ITGA7: variants seen among roughly 807,000 people sequenced by gnomAD.
The protein encoded by ITGA7 is integrin alpha-7.
A neutral mutation model predicts 131.6 loss-of-function variants in ITGA7; 84 were observed. That is an observed-to-expected ratio of 0.64 (90% confidence interval 0.54 to 0.77). The LOEUF (loss-of-function observed/expected upper bound fraction) is 0.77, where lower values mean the gene tolerates loss of function less well. Among genes scored for constraint, ITGA7 ranks in the 30% least tolerant of loss-of-function variants. ITGA7 has a pLI of 0.00. For missense variants in ITGA7, 1,399 were observed against 1,482.9 expected (o/e 0.94, Z 0.93); for synonymous variants, 548 against 600.7 (o/e 0.91, Z 1.28).
rs924146291 is a variant in ITGA7, at chr12:55,685,127, G to T, written c.3345C>A (p.His1115Gln). 5 of 1,612,816 alleles carry T rather than the reference G, an allele frequency of 3.1e-6. No homozygotes were observed. Among genetic ancestry groups the T allele is most frequent in the Non-Finnish European group, 4.2e-6 (5 of 1,179,978 alleles). Residue 1115 changes from histidine (H) to glutamine (Q), a missense_variant, in exon 25 of 25, where the codon CAC becomes CAA. Transcript: ENST00000257879. ...GSPRREGPDAHPILAADGHPE... is the reference protein window; with the variant it reads ...GSPRREGPDAQPILAADGHPE... Reference sequence around the variant, plus strand: ...GATGCCCGTCAGCAGCCAGGATGGGGTGTGCATCCGGGCCCTCCCGCCGGG... The same window carrying T: ...GATGCCCGTCAGCAGCCAGGATGGGTTGTGCATCCGGGCCCTCCCGCCGGG...
At chr12:55,705,451 T>C (rs1156631228) in intron 1 of ITGA7, among the ~76,000 whole-genome samples, 1 of 145,150 alleles carries the variant, frequency 6.9e-6, no homozygotes, top group East Asian at 2.0e-4. Flanking sequence ...GACAAAGGAG[T>C]AGCCCACGAC....
upstream of ITGA7, among the ~76,000 whole-genome samples, chr12:55,714,602 C>T (rs982775350): frequency 6.6e-6 from 1 of 151,098 alleles, no homozygotes; most frequent in African/African-American, 2.4e-5. Context: ...AGGAGAATCG[C>T]TTGAACCTGG....
upstream of ITGA7, among the ~76,000 whole-genome samples, chr12:55,715,263 T>C (rs1876430340): frequency 6.6e-6 from 1 of 152,220 alleles, no homozygotes; most frequent in Non-Finnish European, 1.5e-5. Context: ...TCCCTTCTCC[T>C]AGTTTTACTA....
chr12:55,701,321 A>G, intron 3 of ITGA7, 167 bp from the exon 4 acceptor site: 1 of 1,565,460 alleles, frequency 6.4e-7, no homozygotes, highest in Non-Finnish European at 8.7e-7. Context: ...CTCAAGCACC[A>G]TTACCCTGCC....
Position 55,694,245 on chromosome 12 carries a change from G to A in ITGA7, c.2432+11C>T, listed in dbSNP as rs555855033. 5.6e-6 allele frequency: 9 copies of A among 1,614,042 alleles called. No individual in the cohort carries two copies. In the South Asian group the frequency reaches 7.7e-5, roughly 14 times the overall value. On this transcript the variant is annotated intron_variant, in intron 18 of 24. Transcript: ENST00000257879. This position sits in a 1 kb window ranked among gnomAD's most constrained non-coding sequence, Gnocchi z 5.3. ...CCCTCCAATGGAGGTGCCCCCTTGG[G>A]CCAGGCTCACCCTGCAATGGACAGT...
intron 3 of ITGA7, 189 bp downstream of exon 3, chr12:55,702,683 G>C (rs1874316851): frequency 1.6e-6 from 1 of 642,230 alleles, no homozygotes; most frequent in African/African-American, 1.8e-5. Flanking sequence ...TGAATGAATG[G>C]ACAGACATTT....
rs745534478 is a variant in ITGA7 at position 55,702,882 on chromosome 12, C to A, written c.404G>T (p.Gly135Val). The A allele has an allele frequency of 3.5e-5, 57 of 1,612,192 alleles. No homozygotes were observed. The highest frequency in any genetic ancestry group is 4.8e-5 in the Non-Finnish European group (57 of 1,179,580). ...GVSVRSQGPG[G>V]KIVTCAHRYE... ...AGAAGCAATACTCACAACAATCTTG[C>A]CCCCAGGCCCCTGGCTCCGAACACT... The change falls in exon 3 of 25, where the codon GGC becomes GTC. Residue 135 changes from glycine (G) to valine (V), a missense_variant. Coordinates refer to ENST00000257879, the MANE Select transcript of ITGA7 (RefSeq NM_002206.3).
At chr12:55,690,143 C>T (rs897955307) in intron 21 of ITGA7, among the ~76,000 whole-genome samples, 3 of 152,110 alleles carry the variant, frequency 2.0e-5, no homozygotes, top group African/African-American at 7.2e-5. Context: ...AACTAAAGAG[C>T]TTCTGCACAG....
Position 55,701,133 on chromosome 12 carries a change from C to T in ITGA7, c.436G>A (p.Ala146Thr), listed in dbSNP as rs1197791079. The T allele has an allele frequency of 1.2e-6, 2 of 1,614,116 alleles. No individual in the cohort carries two copies. ...AGGATCTGGTCCACTCGCTGCCTTGCCTCATATCGGTGTGCACAGGTCTGG... is the reference window on the plus strand; with the variant it reads ...AGGATCTGGTCCACTCGCTGCCTTGTCTCATATCGGTGTGCACAGGTCTGG... ...KIVTCAHRYE[A>T]RQRVDQILET... Residue 146 changes from alanine to threonine, a missense_variant, in exon 4 of 25, where the codon GCA becomes ACA. Transcript: ENST00000257879.
chr12:55,691,802 C>T (rs1055140829), intron 21 of ITGA7, among the ~76,000 whole-genome samples: 4 of 152,162 alleles, frequency 2.6e-5, no homozygotes, highest in Admixed American at 1.3e-4. Context: ...CCCAGGGGAG[C>T]TGAGGGCCCA....
intron 24 of ITGA7, among the ~76,000 whole-genome samples, chr12:55,687,471 G>A (rs988422952): frequency 2.1e-5 from 3 of 142,440 alleles, no homozygotes; most frequent in African/African-American, 5.3e-5. Context: ...TTACAGGCAT[G>A]AGCCACCATG....
intron 24 of ITGA7, among the ~76,000 whole-genome samples, chr12:55,687,622 C>T (rs1157866371): frequency 6.6e-6 from 1 of 151,514 alleles, no homozygotes; most frequent in Non-Finnish European, 1.5e-5. Context: ...TCCCAAGTAG[C>T]TGGATCTACA....
chr12:55,697,546 C>T lies in ITGA7; in HGVS notation c.1410G>A (p.Arg470=). ...GSLADTAVLF[R]ARPILHVSHE... ...GGGAGACATGGAGGATGGGTCTGGCCCTGGGATTGGGGAGTCAAGAGCACA... is the reference window on the plus strand; with the variant it reads ...GGGAGACATGGAGGATGGGTCTGGCTCTGGGATTGGGGAGTCAAGAGCACA... Residue 470 remains arginine (R), a splice_region_variant and synonymous_variant, in exon 10 of 25, where the codon AGG becomes AGA. Transcript: ENST00000257879. The T allele has an allele frequency of 6.2e-7, 1 of 1,613,728 alleles. No homozygotes were observed. The highest frequency in any genetic ancestry group is 1.3e-5 in the African/African-American group (1 of 75,030).
intron 22 of ITGA7, 105 bp downstream of exon 22, chr12:55,688,739 G>A (rs998689381): frequency 1.5e-5 from 13 of 869,156 alleles, no homozygotes; most frequent in Admixed American, 9.8e-5. Context: ...AAAAAAAAGG[G>A]GGGGGATGCT....
chr12:55,708,068 C>G, upstream of ITGA7: 1 of 978,254 alleles, frequency 1.0e-6, no homozygotes, highest in South Asian at 4.7e-5. Flanking sequence ...CCACGCCCCC[C>G]AAGCCCAGCA....
rs1267541671 is a variant in ITGA7 at position 55,684,741 on chromosome 12, G to A, written c.*317C>T. 1 of 348,618 alleles carries A rather than the reference G, an allele frequency of 2.9e-6. No homozygotes were observed. Among genetic ancestry groups the A allele is most frequent in the East Asian group, 4.7e-5 (1 of 21,240 alleles). The allele number at this position is 348,618 out of a possible 1,614,324, so 21.6% of individuals were successfully genotyped here. A position where few individuals can be genotyped will look rare whatever the true frequency, so the allele number is the denominator to read the frequency against. ...GCACTTCCGGGGAGGCAGGTCCTTG[G>A]GGTCCTGTTACACAGGGTGAATGGG... On this transcript the variant is annotated 3_prime_UTR_variant, in exon 25 of 25. Transcript: ENST00000257879.
At chr12:55,707,959 GC>G, upstream of ITGA7, 1 of 1,321,648 alleles carries the variant, frequency 7.6e-7, no homozygotes, top group Non-Finnish European at 9.7e-7. Flanking sequence ...CTCCGGCCCC[GC>G]CCCTCGCTCC....
At position 55,685,159 on chromosome 12, in the gene ITGA7, C is replaced by G; in HGVS notation, c.3313G>C (p.Gly1105Arg). The G allele has an allele frequency of 6.2e-7, 1 of 1,614,078 alleles. No homozygotes were observed. The highest frequency in any genetic ancestry group is 2.2e-5 in the East Asian group (1 of 44,876). Residue 1105 changes from glycine to arginine, a missense_variant, in exon 25 of 25, where the codon GGC becomes CGC. Physicochemically the swap from Gly to Arg is moderately radical, Grantham distance 125. Coordinates refer to ENST00000257879, the MANE Select transcript of ITGA7 (RefSeq NM_002206.3). ...TCCGGGCCCTCCCGCCGGGGGCTGC[C>G]CCAGTTGTTCCTCAGGATGGTGCCC... ...KTGTILRNNW[G>R]SPRREGPDAH...
intron 1 of ITGA7, among the ~76,000 whole-genome samples, chr12:55,706,312 G>A (rs1034071085): frequency 2.0e-5 from 3 of 152,096 alleles, no homozygotes; most frequent in African/African-American, 7.2e-5. Flanking sequence ...AAGTTTTGGG[G>A]ACCACCGACC....
Sources: allele counts gnomAD v4.1 joint callset (sites outside exome capture counted in the v4.1 genomes callset), GRCh38; gene constraint gnomAD v4.1.1; non-coding constraint Gnocchi (gnomAD v3.1); transcripts MANE v1.5; gene names NCBI Gene and HGNC (gene_info 2026-07-23, HGNC 2026-07-21).